TSPAN2: variants seen among roughly 807,000 people sequenced by gnomAD.
TSPAN2 encodes tetraspanin-2.
A neutral mutation model predicts 33.3 loss-of-function variants in TSPAN2; 24 were observed. That is an observed-to-expected ratio of 0.72 (90% confidence interval 0.52 to 1.01). TSPAN2 has a LOEUF of 1.01. TSPAN2 is among the 50% of genes least tolerant of loss of function. TSPAN2 has a pLI of 0.00. For missense variants in TSPAN2, 278 were observed against 281.3 expected (o/e 0.99, Z 0.08); for synonymous variants, 114 against 104.5 (o/e 1.09, Z -0.56).
intron 5 of TSPAN2, among the ~76,000 whole-genome samples, chr1:115,058,602 C>G (rs1398662216): frequency 3.3e-5 from 5 of 152,218 alleles, no homozygotes; most frequent in African/African-American, 1.2e-4. Flanking sequence ...TATCTGGGCT[C>G]CTTTCTCTGT....
intron 2 of TSPAN2, among the ~76,000 whole-genome samples, chr1:115,068,993 C>G (rs1440951815): frequency 6.6e-6 from 1 of 152,160 alleles, no homozygotes; most frequent in Non-Finnish European, 1.5e-5. Context: ...GACTGCCAGC[C>G]CCAGGTGTTT....
chr1:115,080,439 T>A (rs1237189723), intron 1 of TSPAN2, among the ~76,000 whole-genome samples: 2 of 152,096 alleles, frequency 1.3e-5, no homozygotes, highest in African/African-American at 4.8e-5. Context: ...CATCCAGCTA[T>A]TTTTTTCTAT....
At chr1:115,089,029 A>G (rs1648953025) in intron 1 of TSPAN2, among the ~76,000 whole-genome samples, 1 of 47,808 alleles carries the variant, frequency 2.1e-5, no homozygotes, top group Admixed American at 2.1e-4. Flanking sequence ...CAGGGACCCA[A>G]GTCCTCCGGA....
At chr1:115,084,563 G>A (rs934725246) in intron 1 of TSPAN2, among the ~76,000 whole-genome samples, 1 of 152,174 alleles carries the variant, frequency 6.6e-6, no homozygotes, top group Non-Finnish European at 1.5e-5. Context: ...AGGGGACACT[G>A]GCCCCTGGTA....
chr1:115,062,233 C>A lies in TSPAN2; in HGVS notation c.173-1G>T. On this transcript the variant is annotated splice_acceptor_variant, in intron 2 of 7. Transcript: ENST00000369516. LOFTEE classifies it high-confidence loss of function. Reference sequence around the variant, plus strand: ...CCGGCTCCAACCAGAACATACAGCCCTGTGGGGAAGAGGTCAGAGGAGACC... The same window carrying A: ...CCGGCTCCAACCAGAACATACAGCCATGTGGGGAAGAGGTCAGAGGAGACC... 1.3e-6 allele frequency: 2 copies of A among 1,582,172 alleles called. No homozygotes were observed. Among genetic ancestry groups the A allele is most frequent in the East Asian group, 2.3e-5 (1 of 43,288 alleles).
chr1:115,073,073 G>T, intron 1 of TSPAN2, 66 bp from the exon 2 acceptor site: 1 of 1,381,536 alleles, frequency 7.2e-7, no homozygotes, highest in Non-Finnish European at 1.0e-6. Context: ...CCGAGAGCAG[G>T]CTCTAGGCAC....
intron 2 of TSPAN2, among the ~76,000 whole-genome samples, chr1:115,071,448 G>C (rs1036062890): frequency 1.3e-5 from 2 of 152,190 alleles, no homozygotes; most frequent in African/African-American, 2.4e-5. Context: ...ACAGCAGAGA[G>C]GGGGAAAGAA....
At chr1:115,075,073 A>C (rs2101041674) in intron 1 of TSPAN2, among the ~76,000 whole-genome samples, 1 of 152,246 alleles carries the variant, frequency 6.6e-6, no homozygotes, top group African/African-American at 2.4e-5. Context: ...GGTCCCAGGG[A>C]CACCCCACCA....
At chr1:115,085,371 T>C (rs961574168) in intron 1 of TSPAN2, among the ~76,000 whole-genome samples, 5 of 152,202 alleles carry the variant, frequency 3.3e-5, no homozygotes, top group Admixed American at 6.5e-5. Context: ...TGTATGTTTA[T>C]GAAACCAGGA....
intron 3 of TSPAN2, among the ~76,000 whole-genome samples, chr1:115,060,872 C>T (rs1647690376): frequency 6.6e-6 from 1 of 152,164 alleles, no homozygotes; most frequent in African/African-American, 2.4e-5. Flanking sequence ...TAGAACACCA[C>T]CTGGCACCTA....
intron 1 of TSPAN2, among the ~76,000 whole-genome samples, chr1:115,088,765 C>T (rs2101053509): frequency 6.8e-6 from 1 of 146,028 alleles, no homozygotes; most frequent in Admixed American, 6.8e-5. Flanking sequence ...AACCCACCAC[C>T]TCCTCTCACC....
At chr1:115,087,615 C>CAAAA (rs58524726) in intron 1 of TSPAN2, among the ~76,000 whole-genome samples, 2 of 92,192 alleles carry the variant, frequency 2.2e-5, no homozygotes, top group Non-Finnish European at 2.2e-5. Context: ...GACTCCGTCT[C>CAAAA]AAAAAAAAAA....
intron 2 of TSPAN2, among the ~76,000 whole-genome samples, chr1:115,064,238 A>G (rs1647850930): frequency 6.6e-6 from 1 of 152,124 alleles, no homozygotes. Context: ...CCCAATTCCC[A>G]TCCCACACTT....
At chr1:115,054,004 G>A (rs1158410107) in intron 6 of TSPAN2, among the ~76,000 whole-genome samples, 1 of 152,184 alleles carries the variant, frequency 6.6e-6, no homozygotes, top group Non-Finnish European at 1.5e-5. Context: ...TCTCTCCTGT[G>A]GTGGCTGGGC....
chr1:115,055,342 A>T (rs201650758), intron 6 of TSPAN2, among the ~76,000 whole-genome samples: 22 of 114,710 alleles, frequency 1.9e-4, no homozygotes, highest in African/African-American at 4.0e-4. Flanking sequence ...TTTTTTTTTT[A>T]AAAAGAAATG....
intron 2 of TSPAN2, among the ~76,000 whole-genome samples, chr1:115,066,993 A>G (rs1390496448): frequency 6.6e-6 from 1 of 152,208 alleles, no homozygotes; most frequent in Non-Finnish European, 1.5e-5. Context: ...TCGATCTGTA[A>G]TAACAATAGC....
chr1:115,084,456 C>T (rs189193500), intron 1 of TSPAN2, among the ~76,000 whole-genome samples: 2 of 152,150 alleles, frequency 1.3e-5, no homozygotes, highest in African/African-American at 2.4e-5. Flanking sequence ...TAGGTCTGTC[C>T]GAGGTCTACC....
In TSPAN2 at chr1:115,050,546, T is replaced by C. The variant is rs976011085; in HGVS notation, c.610A>G (p.Met204Val). 1 of 1,613,938 alleles carries C rather than the reference T, an allele frequency of 6.2e-7. No homozygotes were observed. Among genetic ancestry groups the C allele is most frequent in the Non-Finnish European group, 8.5e-7 (1 of 1,179,920 alleles). ...CAGCAGAGGACCATGCTGAATATCA[T>C]GCCAAAGATCTGAAACAGAAGAAAC... ...IGIAGLTIFGMIFSMVLCCAI... is the reference protein window; with the variant it reads ...IGIAGLTIFGVIFSMVLCCAI... The change falls in exon 8 of 8, where the codon ATG (methionine) becomes GTG (valine). Residue 204 changes from methionine to valine, a missense_variant. Met to Val is a conservative substitution (Grantham distance 21). Transcript: ENST00000369516.
intron 1 of TSPAN2, among the ~76,000 whole-genome samples, chr1:115,082,297 T>C (rs1292079401): frequency 6.6e-6 from 1 of 152,212 alleles, no homozygotes; most frequent in Non-Finnish European, 1.5e-5. Context: ...TCAACCTTCC[T>C]CTCCGATAGT....
Sources: allele counts gnomAD v4.1 joint callset (sites outside exome capture counted in the v4.1 genomes callset), GRCh38; gene constraint gnomAD v4.1.1; transcripts MANE v1.5; gene names NCBI Gene and HGNC (gene_info 2026-07-23, HGNC 2026-07-21).